The following ANKRD45 variants were observed in gnomAD, a reference collection of about 807,000 sequenced individuals.
ANKRD45 encodes the protein ankyrin repeat domain 45.
Under a neutral mutation model 28.1 loss-of-function variants are expected in ANKRD45, and 21 were observed. The observed-to-expected ratio is 0.75, with a 90% CI of 0.53 to 1.08. The LOEUF (loss-of-function observed/expected upper bound fraction) is 1.08, where lower values mean the gene tolerates loss of function less well. Ranked by LOEUF, ANKRD45 falls within the 50% of genes least tolerant of loss-of-function variation. ANKRD45 has a pLI of 0.00. For synonymous variants in ANKRD45, 86 were observed against 103.9 expected (o/e 0.83, Z 1.05); for missense variants, 261 against 308.7 (o/e 0.85, Z 1.16).
At chr1:173,706,056 G>T in the ANKRD45 span, among the ~76,000 whole-genome samples, 9 of 152,062 alleles carry the variant, frequency 5.9e-5, no homozygotes, top group African/African-American at 2.2e-4. Flanking sequence ...TGTAATCCCA[G>T]CACTTTGGGA....
intron 5 of ANKRD45, among the ~76,000 whole-genome samples, chr1:173,622,524 T>C (rs1667747638): frequency 6.6e-6 from 1 of 152,144 alleles, no homozygotes; most frequent in African/African-American, 2.4e-5. Flanking sequence ...CCATCTGATC[T>C]TCAACAAACC....
chr1:173,703,519 T>TG, the ANKRD45 span, among the ~76,000 whole-genome samples: 1 of 152,180 alleles, frequency 6.6e-6, no homozygotes, highest in East Asian at 1.9e-4. Flanking sequence ...GTGTCCATTC[T>TG]TATACATCCA....
chr1:173,618,874 A>C (rs569978317), intron 5 of ANKRD45, among the ~76,000 whole-genome samples: 67 of 152,330 alleles, frequency 4.4e-4, no homozygotes, highest in African/African-American at 1.5e-3. Context: ...AAAAATGTTA[A>C]AAGTGGCCAG....
chr1:173,649,846 C>T (rs1018912377), intron 2 of ANKRD45, among the ~76,000 whole-genome samples: 2 of 151,752 alleles, frequency 1.3e-5, no homozygotes, highest in Non-Finnish European at 2.9e-5. Context: ...TTATTTTTTT[C>T]CAGATGAATA....
chr1:173,688,399 TC>T, the ANKRD45 span, among the ~76,000 whole-genome samples: 1 of 137,236 alleles, frequency 7.3e-6, no homozygotes, highest in African/African-American at 3.4e-5. Context: ...CCTCTTCCTC[TC>T]TCTGCCTCTT....
At chr1:173,658,985 T>C (rs1669664284) in intron 2 of ANKRD45, 106 bp downstream of exon 2, 1 of 1,446,668 alleles carries the variant, frequency 6.9e-7, no homozygotes, top group Non-Finnish European at 9.2e-7. Flanking sequence ...TACACATATA[T>C]GTAAAGTATA....
At chr1:173,711,230 G>C in the ANKRD45 span, among the ~76,000 whole-genome samples, 4 of 152,218 alleles carry the variant, frequency 2.6e-5, no homozygotes, top group African/African-American at 9.6e-5. Flanking sequence ...ACAGGTCTCA[G>C]TTAATTTAGA....
At chr1:173,648,496 G>C (rs1021353280) in intron 2 of ANKRD45, among the ~76,000 whole-genome samples, 1 of 152,176 alleles carries the variant, frequency 6.6e-6, no homozygotes, top group African/African-American at 2.4e-5. Context: ...ATATGGACAG[G>C]CTTGGAATTT....
the ANKRD45 span, among the ~76,000 whole-genome samples, chr1:173,696,712 T>G: frequency 0.17 from 25,864 of 152,068 alleles, 2,378 homozygotes; most frequent in Middle Eastern, 0.32. Context: ...ATGTGATGCA[T>G]CCAGCTTTGT....
At chr1:173,688,360 C>T in the ANKRD45 span, among the ~76,000 whole-genome samples, 1 of 151,840 alleles carries the variant, frequency 6.6e-6, no homozygotes. Context: ...CTCCCTCTCT[C>T]TCTCTCTGCC....
chr1:173,646,833 T>A lies in ANKRD45; in HGVS notation c.496+13A>T. The A allele has an allele frequency of 6.2e-7, 1 of 1,611,760 alleles. No homozygotes were observed. Among genetic ancestry groups the A allele is most frequent in the Non-Finnish European group, 8.5e-7 (1 of 1,178,308 alleles). The stretch of plus-strand genomic sequence containing the variant: ...CATCAGTCAGTTTGCTAACCCCTTG[T>A]GAGCTTCCTTACCTGCCCAGTCCAG... On this transcript the variant is annotated intron_variant, in intron 3 of 5. Coordinates refer to ENST00000333279, the MANE Select transcript of ANKRD45 (RefSeq NM_198493.3).
the ANKRD45 span, among the ~76,000 whole-genome samples, chr1:173,700,403 G>T: frequency 6.6e-6 from 1 of 152,148 alleles, no homozygotes; most frequent in East Asian, 1.9e-4. Flanking sequence ...GAGGCATCAT[G>T]CTACCTGACT....
At chr1:173,679,921 A>C in the ANKRD45 span, among the ~76,000 whole-genome samples, 2 of 152,250 alleles carry the variant, frequency 1.3e-5, no homozygotes, top group Non-Finnish European at 2.9e-5. Flanking sequence ...TTATGCAGCC[A>C]GCAAACATAT....
chr1:173,702,642 G>C, the ANKRD45 span, among the ~76,000 whole-genome samples: 2 of 152,000 alleles, frequency 1.3e-5, no homozygotes, highest in African/African-American at 4.8e-5. Context: ...CATGATGTCA[G>C]GGGCTCTGCA....
intron 1 of ANKRD45, among the ~76,000 whole-genome samples, chr1:173,664,546 T>C (rs1669925460): frequency 6.6e-6 from 1 of 152,158 alleles, no homozygotes; most frequent in South Asian, 2.1e-4. Flanking sequence ...AAATCCTATT[T>C]AGGCCAAGCT....
intron 5 of ANKRD45, among the ~76,000 whole-genome samples, chr1:173,623,460 C>G (rs1297315815): frequency 6.6e-6 from 1 of 152,112 alleles, no homozygotes. Flanking sequence ...CCAGAAACAA[C>G]AGATGCTGGC....
At chr1:173,662,203 T>C (rs770520837) in intron 1 of ANKRD45, among the ~76,000 whole-genome samples, 2 of 152,214 alleles carry the variant, frequency 1.3e-5, no homozygotes, top group Non-Finnish European at 2.9e-5. Context: ...CAGGCCATAG[T>C]TTTCTGACCC....
At chr1:173,673,779 T>C (rs904738019), upstream of ANKRD45, among the ~76,000 whole-genome samples, 11 of 152,136 alleles carry the variant, frequency 7.2e-5, no homozygotes, top group African/African-American at 2.4e-4. Context: ...AATTAAATAT[T>C]AGAGAAAATC....
chr1:173,664,991 A>G (rs983593307), intron 1 of ANKRD45, among the ~76,000 whole-genome samples: 23 of 152,294 alleles, frequency 1.5e-4, no homozygotes, highest in African/African-American at 5.1e-4. Context: ...AGCCTAGTCT[A>G]TGATTGTTCT....
Sources: gnomAD v4.1 joint callset for allele counts (sites outside exome capture counted in the v4.1 genomes callset) on GRCh38, gnomAD v4.1.1 for gene constraint, MANE v1.5 for transcripts, NCBI Gene and HGNC (gene_info 2026-07-23, HGNC 2026-07-21) for gene names.